SMYD3: variants seen among roughly 807,000 people sequenced by gnomAD.
SMYD3 encodes SET and MYND domain containing 3, also known as histone-lysine N-methyltransferase SMYD3.
SMYD3 carries 36 observed loss-of-function variants against 57.7 expected under a neutral mutation model. That is an observed-to-expected ratio of 0.62 (90% CI 0.48 to 0.82). SMYD3 has a LOEUF of 0.82. SMYD3 is among the 40% of genes least tolerant of loss of function. The probability of loss-of-function intolerance (pLI) is 0.00; values close to 1 mark genes in which losing one functional copy is unlikely to be tolerated. For missense variants in SMYD3, 515 were observed against 538.8 expected (o/e 0.96, Z 0.44); for synonymous variants, 211 against 195.0 (o/e 1.08, Z -0.68).
chr1:245,858,664 T>A lies in SMYD3; in HGVS notation c.908A>T (p.Glu303Val). 1 of 1,613,458 alleles carries A rather than the reference T, an allele frequency of 6.2e-7. No individual in the cohort carries two copies. The highest frequency in any genetic ancestry group is 8.5e-7 in the Non-Finnish European group (1 of 1,179,804). Residue 303 changes from glutamate (E) to valine (V), a missense_variant, in exon 10 of 12, where the codon GAG (glutamate) becomes GTG (valine). Transcript: ENST00000490107. ...TGCCTGGCACATGGCCAGAACCTGCTCCCACTCTGTTATTAACCTTAGTTA... is the reference window on the plus strand; with the variant it reads ...TGCCTGGCACATGGCCAGAACCTGCACCCACTCTGTTATTAACCTTAGTTA... ...IEELKAHWKW[E>V]QVLAMCQAII...
intron 5 of SMYD3, among the ~76,000 whole-genome samples, chr1:246,236,981 T>C (rs2148465219): frequency 6.6e-6 from 1 of 152,342 alleles, no homozygotes; most frequent in East Asian, 1.9e-4. Context: ...TGCTGGCGTT[T>C]ACTGCACTTT....
intron 5 of SMYD3, among the ~76,000 whole-genome samples, chr1:246,101,064 G>T (rs12727466): frequency 0.035 from 2,716 of 78,564 alleles, 76 homozygotes; most frequent in Non-Finnish European, 0.044. Flanking sequence ...ATTTTTAGGG[G>T]TTTTTTGTTT....
At chr1:246,231,726 TG>T (rs1338798486) in intron 5 of SMYD3, among the ~76,000 whole-genome samples, 1 of 152,198 alleles carries the variant, frequency 6.6e-6, no homozygotes, top group African/African-American at 2.4e-5. Flanking sequence ...CAAAAAGGCA[TG>T]GCATGAATGA....
intron 9 of SMYD3, among the ~76,000 whole-genome samples, chr1:245,863,540 C>T (rs1217125846): frequency 1.3e-5 from 2 of 152,166 alleles, no homozygotes; most frequent in African/African-American, 4.8e-5. Flanking sequence ...TCTTACTTTC[C>T]TACTACTGCT....
chr1:246,098,326 C>A (rs751029929), intron 5 of SMYD3, among the ~76,000 whole-genome samples: 1 of 152,128 alleles, frequency 6.6e-6, no homozygotes, highest in Non-Finnish European at 1.5e-5. Context: ...CAAAGCCCTG[C>A]GGGAATGACA....
At chr1:246,475,771 C>T (rs1299094702) in intron 1 of SMYD3, among the ~76,000 whole-genome samples, 1 of 152,106 alleles carries the variant, frequency 6.6e-6, no homozygotes, top group East Asian at 2.0e-4. Context: ...TGCACCAACA[C>T]ACCAGGCTAA....
chr1:245,971,343 T>C (rs565538239), intron 5 of SMYD3, among the ~76,000 whole-genome samples: 38 of 152,168 alleles, frequency 2.5e-4, no homozygotes, highest in Non-Finnish European at 1.2e-4. Flanking sequence ...ATACCTAATG[T>C]AGATGACGGG....
At chr1:246,057,951 AG>A (rs1472127330) in intron 5 of SMYD3, among the ~76,000 whole-genome samples, 1 of 152,214 alleles carries the variant, frequency 6.6e-6, no homozygotes, top group African/African-American at 2.4e-5. Context: ...AGCCATGAAA[AG>A]GCACGGAGCA....
At chr1:246,185,645 T>C (rs1266213424) in intron 5 of SMYD3, among the ~76,000 whole-genome samples, 1 of 152,036 alleles carries the variant, frequency 6.6e-6, no homozygotes, top group Non-Finnish European at 1.5e-5. Flanking sequence ...GTATGTTTAG[T>C]AGACATGGGG....
intron 5 of SMYD3, among the ~76,000 whole-genome samples, chr1:246,277,135 G>T (rs74974648): frequency 0.044 from 6,630 of 152,056 alleles, 240 homozygotes; most frequent in African/African-American, 0.088. Context: ...CATTAAAAAG[G>T]TGTTATTTTG....
chr1:246,402,686 T>C (rs541325493), intron 1 of SMYD3, among the ~76,000 whole-genome samples: 12 of 152,328 alleles, frequency 7.9e-5, no homozygotes, highest in Non-Finnish European at 1.3e-4. Context: ...TGAGGCTTCC[T>C]AAACAACTGA....
intron 5 of SMYD3, among the ~76,000 whole-genome samples, chr1:246,186,550 C>T (rs556800469): frequency 2.2e-4 from 33 of 152,210 alleles, no homozygotes; most frequent in African/African-American, 7.5e-4. Context: ...GAGAACAGCA[C>T]GGTGGGTGAA....
intron 1 of SMYD3, among the ~76,000 whole-genome samples, chr1:246,428,331 G>A (rs1201292355): frequency 1.3e-5 from 2 of 152,194 alleles, no homozygotes; most frequent in Non-Finnish European, 2.9e-5. Context: ...ACTAACCAGT[G>A]TAAGAGTTAG....
intron 5 of SMYD3, among the ~76,000 whole-genome samples, chr1:245,971,370 A>G (rs1414605683): frequency 6.6e-6 from 1 of 152,148 alleles, no homozygotes; most frequent in Non-Finnish European, 1.5e-5. Flanking sequence ...GGTGCAGCAA[A>G]CCACCATGGC....
intron 5 of SMYD3, among the ~76,000 whole-genome samples, chr1:246,270,514 T>G (rs1235511434): frequency 6.6e-6 from 1 of 152,178 alleles, no homozygotes; most frequent in Non-Finnish European, 1.5e-5. Context: ...ACCATTCTAC[T>G]TTCTGGCTCT....
At chr1:246,099,755 C>A (rs1177753819) in intron 5 of SMYD3, among the ~76,000 whole-genome samples, 1 of 152,156 alleles carries the variant, frequency 6.6e-6, no homozygotes, top group Non-Finnish European at 1.5e-5. Flanking sequence ...TTCTCATGGC[C>A]TTTTAATAGC....
intron 10 of SMYD3, among the ~76,000 whole-genome samples, chr1:245,801,874 A>G (rs1265107406): frequency 6.6e-6 from 1 of 152,020 alleles, no homozygotes; most frequent in African/African-American, 2.4e-5. Context: ...ACAACGACAC[A>G]TGAATAAAAC....
At chr1:245,881,948 T>C (rs1342392537) in intron 8 of SMYD3, among the ~76,000 whole-genome samples, 2 of 152,034 alleles carry the variant, frequency 1.3e-5, no homozygotes, top group Non-Finnish European at 2.9e-5. Flanking sequence ...CCGAGACTGG[T>C]AGGGTGAACA....
intron 5 of SMYD3, among the ~76,000 whole-genome samples, chr1:246,030,041 C>T (rs1313433823): frequency 6.3e-5 from 9 of 143,286 alleles, no homozygotes; most frequent in Admixed American, 5.0e-4. Flanking sequence ...GAAAGGAAAT[C>T]AAAGGGATAC....
Sources: allele counts gnomAD v4.1 joint callset (sites outside exome capture counted in the v4.1 genomes callset), GRCh38; gene constraint gnomAD v4.1.1; transcripts MANE v1.5; gene names NCBI Gene and HGNC (gene_info 2026-07-23, HGNC 2026-07-21).